The following ADAMTSL1 variants were observed in gnomAD, a reference collection of about 807,000 sequenced individuals.
The protein encoded by ADAMTSL1 is ADAMTS like 1.
Under a neutral mutation model 201.8 loss-of-function variants are expected in ADAMTSL1, and 126 were observed. The observed-to-expected ratio is 0.62, with a 90% CI of 0.54 to 0.72. ADAMTSL1 has a LOEUF of 0.72. ADAMTSL1 is among the 30% of genes least tolerant of loss of function. ADAMTSL1 has a pLI of 0.00. For missense variants in ADAMTSL1, 2,679 were observed against 2,277.8 expected, an observed-to-expected ratio of 1.18 and a Z score of -3.59; for synonymous variants, 1,121 against 903.4, an observed-to-expected ratio of 1.24 and a Z score of -4.32.
At chr9:18,785,986 A>T (rs1274767735) in intron 19 of ADAMTSL1, among the ~76,000 whole-genome samples, 1 of 152,180 alleles carries the variant, frequency 6.6e-6, no homozygotes, top group Admixed American at 6.5e-5. Flanking sequence ...ACCACTTAAC[A>T]CTATTGAACC....
intron 4 of ADAMTSL1, among the ~76,000 whole-genome samples, chr9:18,603,034 A>G (rs1006616422): frequency 1.3e-5 from 2 of 152,236 alleles, no homozygotes; most frequent in Non-Finnish European, 2.9e-5. Context: ...TGACTTTTGA[A>G]GAACATCAGA....
At chr9:18,369,256 A>G (rs189101928) in intron 2 of ADAMTSL1, among the ~76,000 whole-genome samples, 41 of 152,350 alleles carry the variant, frequency 2.7e-4, no homozygotes, top group Admixed American at 1.1e-3. Flanking sequence ...TAGTTGTGAG[A>G]TCTCAAGCAA....
chr9:18,702,758 C>A (rs1043660872), intron 13 of ADAMTSL1, among the ~76,000 whole-genome samples: 4 of 150,876 alleles, frequency 2.7e-5, no homozygotes, highest in South Asian at 2.1e-4. Context: ...GTGTTGCTAA[C>A]AAAAAGAGTT....
chr9:18,703,701 C>T (rs10963729), intron 13 of ADAMTSL1, among the ~76,000 whole-genome samples: 16 of 78,816 alleles, frequency 2.0e-4, no homozygotes, highest in Non-Finnish European at 3.3e-4. Flanking sequence ...TGCGCACATA[C>T]ATATATATAT....
chr9:18,846,348 G>T (rs375794976), intron 23 of ADAMTSL1, among the ~76,000 whole-genome samples: 1 of 152,204 alleles, frequency 6.6e-6, no homozygotes, highest in East Asian at 1.9e-4. Flanking sequence ...CAATGTTTGA[G>T]CAAGACTGGA....
chr9:18,908,323 C>T lies in ADAMTSL1; in HGVS notation c.5183-119C>T. 3 of 836,024 alleles carry T rather than the reference C, an allele frequency of 3.6e-6. No individual in the cohort carries two copies. In the South Asian group the frequency reaches 4.4e-5, roughly 12 times the overall value. The allele number at this position is 836,024 out of a possible 1,614,324, so 51.8% of individuals were successfully genotyped here. A position where few individuals can be genotyped will look rare whatever the true frequency, so the allele number is the denominator to read the frequency against. On this transcript the variant is annotated intron_variant, in intron 28 of 28. Coordinates refer to ENST00000380548, the MANE Select transcript of ADAMTSL1 (RefSeq NM_001040272.6). ...GCTGGAGAGCGGTGGCCAAGGCAGA[C>T]CCCAGGATGTACCCCAGTGGCTGAA... is the stretch of plus-strand genomic sequence containing the variant.
At chr9:17,985,586 C>T (rs1818891719) in intron 1 of ADAMTSL1, among the ~76,000 whole-genome samples, 2 of 152,012 alleles carry the variant, frequency 1.3e-5, no homozygotes, top group Non-Finnish European at 2.9e-5. Flanking sequence ...AATGTAGAAA[C>T]ATTTTGCCGT....
At chr9:18,027,934 T>C (rs1210978424) in intron 1 of ADAMTSL1, among the ~76,000 whole-genome samples, 2 of 152,112 alleles carry the variant, frequency 1.3e-5, no homozygotes, top group African/African-American at 2.4e-5. Flanking sequence ...TTAAGTCTTA[T>C]TGTTGAATTG....
At chr9:18,825,983 T>A (rs929485495) in intron 21 of ADAMTSL1, among the ~76,000 whole-genome samples, 1 of 152,198 alleles carries the variant, frequency 6.6e-6, no homozygotes, top group Non-Finnish European at 1.5e-5. Context: ...TGTTTCCTCC[T>A]CTTTGTACTG....
At chr9:18,586,277 C>T (rs1471424265) in intron 4 of ADAMTSL1, among the ~76,000 whole-genome samples, 1 of 152,168 alleles carries the variant, frequency 6.6e-6, no homozygotes, top group African/African-American at 2.4e-5. Context: ...AAATCATTAG[C>T]ATTCCTGTAC....
intron 2 of ADAMTSL1, among the ~76,000 whole-genome samples, chr9:18,281,213 A>G (rs2132628941): frequency 6.6e-6 from 1 of 152,350 alleles, no homozygotes; most frequent in African/African-American, 2.4e-5. Context: ...TATAATAAGC[A>G]AATTAATATA....
At chr9:18,471,546 A>G (rs1357009857), upstream of ADAMTSL1, among the ~76,000 whole-genome samples, 1 of 152,210 alleles carries the variant, frequency 6.6e-6, no homozygotes, top group African/African-American at 2.4e-5. Flanking sequence ...CATGACCAAA[A>G]CTTTTCCCAG....
rs535309689 is a variant in ADAMTSL1, at chr9:18,175,249, T to C, written c.207+11268T>C. On this transcript the variant is annotated intron_variant, in intron 2 of 29. Coordinates refer to the ADAMTSL1 transcript ENST00000680146. The stretch of plus-strand genomic sequence containing the variant: ...CTGGATGATCTTGAACCCTAAGATA[T>C]TGTGTTTCAAATTTGATATTTAATG... 2.0e-3 allele frequency among the ~76,000 whole-genome samples: 301 copies of C among 152,290 alleles called. 2 individuals are homozygous for C. The highest frequency in any genetic ancestry group is 7.0e-3 in the African/African-American group (293 of 41,564).
chr9:18,536,442 C>T (rs1023278600), intron 3 of ADAMTSL1, among the ~76,000 whole-genome samples: 3 of 132,188 alleles, frequency 2.3e-5, no homozygotes, highest in Non-Finnish European at 3.3e-5. Context: ...CCCCAGTTTC[C>T]CTTTTTTTTT....
At chr9:18,641,890 T>C (rs544386858) in intron 7 of ADAMTSL1, among the ~76,000 whole-genome samples, 28 of 151,908 alleles carry the variant, frequency 1.8e-4, no homozygotes, top group Non-Finnish European at 3.5e-4. Flanking sequence ...TCTTTTGCAT[T>C]ATATATATAA....
chr9:17,956,233 C>T (rs982345890), intron 1 of ADAMTSL1, among the ~76,000 whole-genome samples: 3 of 151,998 alleles, frequency 2.0e-5, no homozygotes, highest in African/African-American at 7.2e-5. Flanking sequence ...TGGTAAATGC[C>T]GTCAGTGTTT....
chr9:18,894,455 T>C (rs1360615434), intron 26 of ADAMTSL1, among the ~76,000 whole-genome samples: 1 of 150,678 alleles, frequency 6.6e-6, no homozygotes, highest in Non-Finnish European at 1.5e-5. Context: ...ATTATGGTGA[T>C]GAGAATGAAG....
chr9:18,327,734 A>T (rs550621411), intron 2 of ADAMTSL1, among the ~76,000 whole-genome samples: 20 of 152,230 alleles, frequency 1.3e-4, no homozygotes, highest in Non-Finnish European at 1.9e-4. Context: ...AAGGGTGATT[A>T]TAAAAGGTCT....
chr9:18,457,373 C>T (rs1938231309), intron 2 of ADAMTSL1, among the ~76,000 whole-genome samples: 1 of 152,074 alleles, frequency 6.6e-6, no homozygotes, highest in South Asian at 2.1e-4. Context: ...TCACTGTCTC[C>T]CAGACTGGAA....
Sources: allele counts gnomAD v4.1 joint callset (sites outside exome capture counted in the v4.1 genomes callset), GRCh38; gene constraint gnomAD v4.1.1; transcripts MANE v1.5; gene names NCBI Gene and HGNC (gene_info 2026-07-23, HGNC 2026-07-21).